Variants in SLC5A3 observed in about 807,000 individuals in gnomAD.
The protein encoded by SLC5A3 is sodium/myo-inositol cotransporter.
SLC5A3 carries 10 observed loss-of-function variants against 43.2 expected under a neutral mutation model. The observed-to-expected ratio is 0.23, with a 90% CI of 0.14 to 0.39. The LOEUF is 0.39. SLC5A3 is among the 10% of genes least tolerant of loss of function. The pLI, the probability that SLC5A3 is intolerant of heterozygous loss-of-function variation, is 1.00. For missense variants in SLC5A3, 608 were observed against 893.4 expected (o/e 0.68, Z 4.07); for synonymous variants, 349 against 322.0 (o/e 1.08, Z -0.90).
rs1270052982 is a variant in SLC5A3, at chr21:34,106,121, A to G, written c.*8766A>G. The G allele has an allele frequency of 1.7e-5, 17 of 997,178 alleles. No individual in the cohort carries two copies. The highest frequency in any genetic ancestry group is 2.1e-5 in the Non-Finnish European group (17 of 827,264). 61.8% of individuals were successfully genotyped at this position (997,178 alleles called of 1,614,324 possible). A position where few individuals can be genotyped will look rare whatever the true frequency, so the allele number is the denominator to read the frequency against. ...AGCTGCTGCATTAGCCTTCAAAAGT[A>G]TTTGGAAACTTAAGATGAACTACAT... On this transcript the variant is annotated 3_prime_UTR_variant, in exon 2 of 2. Coordinates refer to ENST00000381151, the MANE Select transcript of SLC5A3 (RefSeq NM_006933.7).
At position 34,099,018 on chromosome 21, in the gene SLC5A3, A is replaced by G; in HGVS notation, c.*1663A>G. ...TCTTTTTAATTTTTTTGTAGTCTAT[A>G]AACTAGTTTCATTATGATGGACTTG... On this transcript the variant is annotated 3_prime_UTR_variant, in exon 2 of 2. Transcript: ENST00000381151. 1 of 990,946 alleles carries G rather than the reference A, an allele frequency of 1.0e-6. No individual in the cohort carries two copies. Among genetic ancestry groups the G allele is most frequent in the Non-Finnish European group, 1.2e-6 (1 of 821,522 alleles). 61.4% of individuals were successfully genotyped at this position (990,946 alleles called of 1,614,324 possible).
chr21:34,077,054 C>G (rs1393572638), intron 1 of SLC5A3, among the ~76,000 whole-genome samples: 1 of 152,136 alleles, frequency 6.6e-6, no homozygotes, highest in African/African-American at 2.4e-5. Flanking sequence ...CCACCTCCAC[C>G]CTGCCCCCCC....
chr21:34,102,746 G>A lies in SLC5A3; in HGVS notation c.*5391G>A, dbSNP rs1979304714. 1 of 1,000,066 alleles carries A rather than the reference G, an allele frequency of 1.0e-6. No homozygotes were observed. The highest frequency in any genetic ancestry group is 1.2e-6 in the Non-Finnish European group (1 of 829,938). The allele number at this position is 1,000,066 out of a possible 1,614,324, so 61.9% of individuals were successfully genotyped here. A position where few individuals can be genotyped will look rare whatever the true frequency, so the allele number is the denominator to read the frequency against. ...ACAGTGGTCTCAGATTTTTCGTAGT[G>A]TGGGAACAGTGGTTTTGCTCTATAC... On this transcript the variant is annotated 3_prime_UTR_variant, in exon 2 of 2. Transcript: ENST00000381151.
rs151082629 is a variant in SLC5A3, at chr21:34,095,156, G to A, written c.-43G>A. 2.0e-6 allele frequency: 3 copies of A among 1,467,476 alleles called. No homozygotes were observed. In the East Asian group the frequency reaches 7.2e-5, roughly 35 times the overall value. 90.9% of individuals were successfully genotyped at this position (1,467,476 alleles called of 1,614,324 possible). ...GTTACTAAAAATAAATAAAAAGTTG[G>A]ACACTTCTGTCATTGGAGCGCTATT... On this transcript the variant is annotated 5_prime_UTR_variant, in exon 2 of 2. Transcript: ENST00000381151.
intron 1 of SLC5A3, among the ~76,000 whole-genome samples, chr21:34,086,279 C>T (rs1208246813): frequency 6.6e-6 from 1 of 152,080 alleles, no homozygotes; most frequent in Non-Finnish European, 1.5e-5. Context: ...TCAAGAGGGA[C>T]ACATGTCTGC....
In SLC5A3 at chr21:34,100,798, C is replaced by T. The variant is rs1403153668; in HGVS notation, c.*3443C>T. ...TTATAGTAGGCATATGGATCTTCCC[C>T]TCTGACTTTGAATATCATTTGGTGT... On this transcript the variant is annotated 3_prime_UTR_variant, in exon 2 of 2. Coordinates refer to ENST00000381151, the MANE Select transcript of SLC5A3 (RefSeq NM_006933.7). 1 of 1,000,240 alleles carries T rather than the reference C, an allele frequency of 1.0e-6. No homozygotes were observed. The highest frequency in any genetic ancestry group is 6.1e-5 in the Admixed American group (1 of 16,268). 62.0% of individuals were successfully genotyped at this position (1,000,240 alleles called of 1,614,324 possible). A position where few individuals can be genotyped will look rare whatever the true frequency, so the allele number is the denominator to read the frequency against.
chr21:34,097,601 C>G lies in SLC5A3; in HGVS notation c.*246C>G, dbSNP rs1602931779. On this transcript the variant is annotated 3_prime_UTR_variant, in exon 2 of 2. Coordinates refer to ENST00000381151, the MANE Select transcript of SLC5A3 (RefSeq NM_006933.7). ...CAAATGTGGTTTTAAATTTTGCATA[C>G]CAAAGTAAGAAGAGACCAATTATTC... The G allele has an allele frequency of 1.6e-6, 2 of 1,233,792 alleles. No homozygotes were observed. The highest frequency in any genetic ancestry group is 4.0e-5 in the East Asian group (1 of 25,060). The allele number at this position is 1,233,792 out of a possible 1,614,324, so 76.4% of individuals were successfully genotyped here.
chr21:34,103,256 T>G lies in SLC5A3; in HGVS notation c.*5901T>G, dbSNP rs562842546. ...TCTGCTAGTTTGCACCTTTCCGTTC[T>G]TAACAGAAAATTTGTATTTGTTATT... On this transcript the variant is annotated 3_prime_UTR_variant, in exon 2 of 2. Coordinates refer to ENST00000381151, the MANE Select transcript of SLC5A3 (RefSeq NM_006933.7). 26 of 999,228 alleles carry G rather than the reference T, an allele frequency of 2.6e-5. 1 individual carries two copies. In the African/African-American group the frequency reaches 4.4e-4, roughly 17 times the overall value. The allele number at this position is 999,228 out of a possible 1,614,324, so 61.9% of individuals were successfully genotyped here.
chr21:34,074,380 T>C (rs1030568661), intron 1 of SLC5A3, among the ~76,000 whole-genome samples: 2 of 152,254 alleles, frequency 1.3e-5, no homozygotes, highest in African/African-American at 4.8e-5. Flanking sequence ...AAAATCCCGC[T>C]CCGGGTGCCC....
At chr21:34,085,943 A>G (rs1978349109) in intron 1 of SLC5A3, among the ~76,000 whole-genome samples, 1 of 152,188 alleles carries the variant, frequency 6.6e-6, no homozygotes, top group Non-Finnish European at 1.5e-5. Context: ...CTTTACACCT[A>G]ACTACAATTC....
At chr21:34,092,838 G>A (rs1978774693) in intron 1 of SLC5A3, among the ~76,000 whole-genome samples, 1 of 152,148 alleles carries the variant, frequency 6.6e-6, no homozygotes, top group Non-Finnish European at 1.5e-5. Context: ...GCACGTGGTT[G>A]CTACTGCCAT....
chr21:34,097,767 C>G lies in SLC5A3; in HGVS notation c.*412C>G. On this transcript the variant is annotated 3_prime_UTR_variant, in exon 2 of 2. Transcript: ENST00000381151. The stretch of plus-strand genomic sequence containing the variant: ...ATTTTTTTTTCTGTCTCTGTAATCC[C>G]TCCTACCATTAAGAAAAACTTATTT... The G allele has an allele frequency of 1.0e-6, 1 of 1,001,768 alleles. No homozygotes were observed. The highest frequency in any genetic ancestry group is 1.1e-4 in the East Asian group (1 of 8,908). The allele number at this position is 1,001,768 out of a possible 1,614,324, so 62.1% of individuals were successfully genotyped here.
At chr21:34,086,880 G>A (rs1294435259) in intron 1 of SLC5A3, among the ~76,000 whole-genome samples, 2 of 152,154 alleles carry the variant, frequency 1.3e-5, no homozygotes, top group Non-Finnish European at 2.9e-5. Flanking sequence ...TTTCTGTTGG[G>A]TGAGCTGAAG....
chr21:34,093,408 C>T (rs1190322670), intron 1 of SLC5A3, among the ~76,000 whole-genome samples: 1 of 152,134 alleles, frequency 6.6e-6, no homozygotes. Context: ...GTTTTTTCTG[C>T]ATTAGACCTA....
Position 34,097,770 on chromosome 21 carries a change from C to T in SLC5A3, c.*415C>T. 1 of 1,001,596 alleles carries T rather than the reference C, an allele frequency of 1.0e-6. No individual in the cohort carries two copies. The highest frequency in any genetic ancestry group is 1.2e-6 in the Non-Finnish European group (1 of 830,686). 62.0% of individuals were successfully genotyped at this position (1,001,596 alleles called of 1,614,324 possible). The stretch of plus-strand genomic sequence containing the variant: ...TTTTTTTCTGTCTCTGTAATCCCTC[C>T]TACCATTAAGAAAAACTTATTTCTT... On this transcript the variant is annotated 3_prime_UTR_variant, in exon 2 of 2. Coordinates refer to ENST00000381151, the MANE Select transcript of SLC5A3 (RefSeq NM_006933.7).
At chr21:34,082,484 G>A (rs1424880578) in intron 1 of SLC5A3, among the ~76,000 whole-genome samples, 1 of 152,122 alleles carries the variant, frequency 6.6e-6, no homozygotes, top group Non-Finnish European at 1.5e-5. Flanking sequence ...TAACCTCTTA[G>A]GTGTTTGAAA....
chr21:34,086,729 G>A (rs1403262846), intron 1 of SLC5A3, among the ~76,000 whole-genome samples: 1 of 152,182 alleles, frequency 6.6e-6, no homozygotes, highest in Non-Finnish European at 1.5e-5. Context: ...AACATGTAGT[G>A]TAAAAATAGT....
chr21:34,081,826 A>G (rs980550171), intron 1 of SLC5A3, among the ~76,000 whole-genome samples: 5 of 152,170 alleles, frequency 3.3e-5, no homozygotes, highest in Admixed American at 6.5e-5. Flanking sequence ...TTAATGAAGA[A>G]ACTCTAAAAG....
Position 34,102,519 on chromosome 21 carries a change from T to G in SLC5A3, c.*5164T>G. 1 of 1,000,042 alleles carries G rather than the reference T, an allele frequency of 1.0e-6. No homozygotes were observed. The allele number at this position is 1,000,042 out of a possible 1,614,324, so 61.9% of individuals were successfully genotyped here. A position where few individuals can be genotyped will look rare whatever the true frequency, so the allele number is the denominator to read the frequency against. On this transcript the variant is annotated 3_prime_UTR_variant, in exon 2 of 2. Coordinates refer to ENST00000381151, the MANE Select transcript of SLC5A3 (RefSeq NM_006933.7). ...CACTCAGAAATAAACAAAAACTGTT[T>G]GGTATATCTGTATCATTGCTAATCT... is the stretch of plus-strand genomic sequence containing the variant.
Sources: gnomAD v4.1 joint callset for allele counts (sites outside exome capture counted in the v4.1 genomes callset) on GRCh38, gnomAD v4.1.1 for gene constraint, MANE v1.5 for transcripts, NCBI Gene and HGNC (gene_info 2026-07-23, HGNC 2026-07-21) for gene names.